GNA14: variants seen among roughly 807,000 people sequenced by gnomAD.
GNA14 encodes the protein guanine nucleotide-binding protein subunit alpha-14.
In GNA14, 50 loss-of-function variants were observed where a neutral mutation model predicts 42.0. The ratio of observed to expected loss-of-function variants is 1.19; its 90% CI spans 0.95 to 1.51. The LOEUF (loss-of-function observed/expected upper bound fraction) is 1.51, where lower values mean the gene tolerates loss of function less well. Ranked by LOEUF, GNA14 falls within the 40% of genes most tolerant of loss-of-function variation. GNA14 has a pLI of 0.00. For missense variants in GNA14, 473 were observed against 446.2 expected, an observed-to-expected ratio of 1.06 and a Z score of -0.54; for synonymous variants, 173 against 163.1, an observed-to-expected ratio of 1.06 and a Z score of -0.46.
chr9:77,513,774 T>C (rs1245383477), intron 2 of GNA14, among the ~76,000 whole-genome samples: 2 of 152,232 alleles, frequency 1.3e-5, no homozygotes, highest in Admixed American at 6.5e-5. Flanking sequence ...TTAGGACAAG[T>C]CCTCACTCCA....
chr9:77,496,193 G>A (rs560421679), intron 2 of GNA14, among the ~76,000 whole-genome samples: 41 of 152,278 alleles, frequency 2.7e-4, no homozygotes, highest in Non-Finnish European at 5.3e-4. Context: ...TAATGATAGT[G>A]GAAAAGTACT....
intron 1 of GNA14, among the ~76,000 whole-genome samples, chr9:77,578,289 C>A (rs1285665048): frequency 6.6e-6 from 1 of 152,112 alleles, no homozygotes; most frequent in Non-Finnish European, 1.5e-5. Context: ...AAAACAAAAA[C>A]AAACAAACTA....
chr9:77,512,296 T>C (rs1837184165), intron 2 of GNA14, among the ~76,000 whole-genome samples: 1 of 152,278 alleles, frequency 6.6e-6, no homozygotes, highest in African/African-American at 2.4e-5. Flanking sequence ...AGAGGAGTTT[T>C]AGTCACTCTT....
intron 1 of GNA14, among the ~76,000 whole-genome samples, chr9:77,546,752 G>A (rs1837724545): frequency 6.6e-6 from 1 of 152,140 alleles, no homozygotes; most frequent in Admixed American, 6.5e-5. Context: ...GCAACCTAAT[G>A]ATTCATGACG....
At chr9:77,552,267 G>T (rs1452481310) in intron 1 of GNA14, among the ~76,000 whole-genome samples, 6 of 152,104 alleles carry the variant, frequency 3.9e-5, no homozygotes, top group African/African-American at 1.4e-4. Flanking sequence ...TTTTGGTGGG[G>T]AGTTGGTGGT....
chr9:77,509,863 C>T (rs1033326535), intron 2 of GNA14, among the ~76,000 whole-genome samples: 1 of 152,184 alleles, frequency 6.6e-6, no homozygotes, highest in Non-Finnish European at 1.5e-5. Flanking sequence ...CAAAACTTAG[C>T]GTCAACAACA....
chr9:77,583,127 A>G (rs2117863674), intron 1 of GNA14, among the ~76,000 whole-genome samples: 1 of 152,346 alleles, frequency 6.6e-6, no homozygotes, highest in South Asian at 2.1e-4. Flanking sequence ...AGGCACAAGA[A>G]CTTCACCCTA....
intron 2 of GNA14, among the ~76,000 whole-genome samples, chr9:77,513,761 G>A (rs988531173): frequency 3.9e-5 from 6 of 152,146 alleles, no homozygotes; most frequent in African/African-American, 1.4e-4. Flanking sequence ...CCACATTCTG[G>A]GTTTAGGACA....
Position 77,428,938 on chromosome 9 carries a change from T to C in GNA14, c.692A>G (p.Tyr231Cys), listed in dbSNP as rs756378251. Reference sequence around the variant, plus strand: ...GTCACACTCAGCCAGGACCTGGTCATATTCACTCAGAGCAACCAAGAAAAT... The same window carrying C: ...GTCACACTCAGCCAGGACCTGGTCACATTCACTCAGAGCAACCAAGAAAAT... Reference protein sequence around the residue: ...SIIFLVALSEYDQVLAECDNE... With the variant: ...SIIFLVALSECDQVLAECDNE... The change falls in exon 5 of 7, where the codon TAT becomes TGT. Residue 231 changes from tyrosine to cysteine, a missense_variant. Coordinates refer to ENST00000341700, the MANE Select transcript of GNA14 (RefSeq NM_004297.4). 1.2e-6 allele frequency: 2 copies of C among 1,614,104 alleles called. No individual in the cohort carries two copies. The highest frequency in any genetic ancestry group is 2.2e-5 in the South Asian group (2 of 91,074).
At chr9:77,622,685 GA>G (rs1403649463) in intron 1 of GNA14, among the ~76,000 whole-genome samples, 1 of 146,486 alleles carries the variant, frequency 6.8e-6, no homozygotes, top group Non-Finnish European at 1.5e-5. Context: ...AGGAGATTGA[GA>G]CCATCCTGGC....
intron 2 of GNA14, among the ~76,000 whole-genome samples, chr9:77,438,279 T>G (rs1835670748): frequency 6.6e-6 from 1 of 152,088 alleles, no homozygotes; most frequent in African/African-American, 2.4e-5. Flanking sequence ...GATTTTTTTT[T>G]TTTTAAAGAC....
chr9:77,475,675 C>A (rs1414394071), intron 2 of GNA14, among the ~76,000 whole-genome samples: 7 of 152,180 alleles, frequency 4.6e-5, no homozygotes, highest in Non-Finnish European at 1.0e-4. Context: ...AGAGCATCCT[C>A]CCAGGGAAAG....
intron 2 of GNA14, among the ~76,000 whole-genome samples, chr9:77,520,255 AC>A (rs1313898161): frequency 6.6e-6 from 1 of 152,040 alleles, no homozygotes; most frequent in Non-Finnish European, 1.5e-5. Context: ...CTCCAAAACA[AC>A]CCCAAAAGGG....
intron 2 of GNA14, among the ~76,000 whole-genome samples, chr9:77,511,914 G>C (rs1205430197): frequency 6.6e-6 from 1 of 152,140 alleles, no homozygotes; most frequent in African/African-American, 2.4e-5. Context: ...CTCCCCAAAG[G>C]CAGAAGGTAG....
rs1359784656 is a variant in GNA14, at chr9:77,428,887, A to T, written c.723+20T>A. The stretch of plus-strand genomic sequence containing the variant: ...TAGGCTCTGGCTTCCACAGCTACCC[A>T]AACTTCCCGCCCAGCATACCTCGTT... On this transcript the variant is annotated intron_variant, in intron 5 of 6. Transcript: ENST00000341700. 4 of 1,611,228 alleles carry T rather than the reference A, an allele frequency of 2.5e-6. No individual in the cohort carries two copies. Among genetic ancestry groups the T allele is most frequent in the Non-Finnish European group, 8.5e-7 (1 of 1,178,608 alleles).
At chr9:77,535,247 C>T (rs1027217247) in intron 1 of GNA14, among the ~76,000 whole-genome samples, 2 of 152,110 alleles carry the variant, frequency 1.3e-5, no homozygotes, top group African/African-American at 4.8e-5. Context: ...GTTTAAAATA[C>T]TGATTTATGG....
chr9:77,603,956 CAAAAAAAAAAAAAAAAAAAAA>C (rs67044542), intron 1 of GNA14, among the ~76,000 whole-genome samples: 3 of 81,610 alleles, frequency 3.7e-5, no homozygotes, highest in Non-Finnish European at 6.5e-5. Flanking sequence ...AAAAAAAAAA[CAAAAAAAAAAAAAAAAAAAAA>C]AAAACACCTC....
intron 1 of GNA14, among the ~76,000 whole-genome samples, chr9:77,573,707 C>G (rs914063814): frequency 7.2e-5 from 11 of 152,070 alleles, no homozygotes; most frequent in Non-Finnish European, 1.5e-4. Context: ...AGAATCATCA[C>G]AAAGTTCAAA....
intron 4 of GNA14, among the ~76,000 whole-genome samples, chr9:77,430,336 G>A (rs1835524632): frequency 6.6e-6 from 1 of 152,216 alleles, no homozygotes. Flanking sequence ...ATTCATCGCA[G>A]TCCAAGAAGG....
Sources: gnomAD v4.1 joint callset for allele counts (sites outside exome capture counted in the v4.1 genomes callset) on GRCh38, gnomAD v4.1.1 for gene constraint, MANE v1.5 for transcripts, NCBI Gene and HGNC (gene_info 2026-07-23, HGNC 2026-07-21) for gene names.